Variants in HOOK1 observed in about 807,000 individuals in gnomAD.
The protein encoded by HOOK1 is protein Hook homolog 1.
Under a neutral mutation model 112.8 loss-of-function variants are expected in HOOK1, and 60 were observed. The ratio of observed to expected loss-of-function variants is 0.53; its 90% confidence interval spans 0.43 to 0.66. The LOEUF is 0.66. Ranked by LOEUF, HOOK1 falls within the 30% of genes least tolerant of loss-of-function variation. HOOK1 has a pLI of 0.00. For synonymous variants in HOOK1, 294 were observed against 283.8 expected (o/e 1.04, Z -0.36); for missense variants, 770 against 856.0 (o/e 0.90, Z 1.25).
At chr1:59,846,995 T>C in intron 9 of HOOK1, 50 bp from the exon 10 acceptor site, 1 of 1,463,656 alleles carries the variant, frequency 6.8e-7, no homozygotes, top group Non-Finnish European at 9.3e-7. Context: ...AATTATATAA[T>C]TATAACAAAT....
chr1:59,870,018 G>A (rs1644030795), intron 20 of HOOK1, among the ~76,000 whole-genome samples: 1 of 152,100 alleles, frequency 6.6e-6, no homozygotes, highest in Admixed American at 6.6e-5. Context: ...AGAGGCCAGG[G>A]TTGCAGCATT....
chr1:59,846,574 C>T (rs2098404018), intron 9 of HOOK1, among the ~76,000 whole-genome samples: 1 of 85,380 alleles, frequency 1.2e-5, no homozygotes, highest in Non-Finnish European at 2.4e-5. Flanking sequence ...TTCCTTCCTT[C>T]CTTCCTTCCT....
chr1:59,864,552 A>T (rs2102070501), intron 16 of HOOK1, 80 bp from the exon 17 acceptor site: 1 of 829,158 alleles, frequency 1.2e-6, no homozygotes, highest in East Asian at 2.5e-5. Context: ...CTTCAAAAGG[A>T]GGTAAAGAGA....
chr1:59,828,703 TTCTC>T (rs1401454319), intron 2 of HOOK1, 73 bp from the exon 3 acceptor site: 10 of 1,215,124 alleles, frequency 8.2e-6, no homozygotes, highest in Non-Finnish European at 1.1e-5. Flanking sequence ...TAAAGTAACT[TTCTC>T]TGTTGGCTCT....
At position 59,864,652 on chromosome 1, in the gene HOOK1, G is replaced by A; in HGVS notation, c.1647G>A (p.Lys549=). 6.5e-7 allele frequency: 1 copy of A among 1,546,780 alleles called. No individual in the cohort carries two copies. Among genetic ancestry groups the A allele is most frequent in the Non-Finnish European group, 8.9e-7 (1 of 1,124,856 alleles). ...EGESSSKLKQ[K]LEAHMEKLTE... ...TATAGTCCAGCAAATTAAAGCAGAA[G>A]TTGGAAGCTCATATGTAAGTAAAAC... The change falls in exon 17 of 22, where the codon AAG becomes AAA. Residue 549 remains lysine, a synonymous_variant. Coordinates refer to ENST00000371208, the MANE Select transcript of HOOK1 (RefSeq NM_015888.6).
intron 20 of HOOK1, 88 bp downstream of exon 20, chr1:59,868,439 GT>G: frequency 1.2e-6 from 1 of 827,592 alleles, no homozygotes; most frequent in Non-Finnish European, 2.0e-6. Flanking sequence ...TAATGATCAA[GT>G]TTTACAAGAA....
At chr1:59,863,942 A>G (rs4477313) in intron 16 of HOOK1, 82,237 of 447,950 alleles carry the variant, frequency 0.18, 9,359 homozygotes, top group African/African-American at 0.44. Context: ...GGTATTTTGC[A>G]GGGAGCACAT....
intron 1 of HOOK1, among the ~76,000 whole-genome samples, chr1:59,819,219 G>A (rs917332578): frequency 7.5e-6 from 1 of 133,154 alleles, no homozygotes; most frequent in Non-Finnish European, 1.5e-5. Flanking sequence ...GCATGATCTC[G>A]GCTCACTGCA....
rs1456596698 is a variant in HOOK1, at chr1:59,876,034, T to C, written c.*3069T>C. The C allele has an allele frequency of 6.5e-6, 1 of 152,686 alleles. No individual in the cohort carries two copies. Among genetic ancestry groups the C allele is most frequent in the East Asian group, 1.9e-4 (1 of 5,198 alleles). 9.5% of individuals were successfully genotyped at this position (152,686 alleles called of 1,614,324 possible). On this transcript the variant is annotated 3_prime_UTR_variant, in exon 22 of 22. Transcript: ENST00000371208. The stretch of plus-strand genomic sequence containing the variant: ...CTGTGTTAAGTTCACTAAATGTGTA[T>C]TTAATGAGAAACATTCCTATGTAAA...
intron 12 of HOOK1, among the ~76,000 whole-genome samples, chr1:59,853,516 T>G (rs1379394987): frequency 6.6e-6 from 1 of 152,172 alleles, no homozygotes; most frequent in Non-Finnish European, 1.5e-5. Flanking sequence ...ACCTAGCATT[T>G]ACTTGGATCA....
At chr1:59,865,046 C>A in intron 17 of HOOK1, 117 bp from the exon 18 acceptor site, 2 of 683,326 alleles carry the variant, frequency 2.9e-6, no homozygotes, top group South Asian at 1.8e-5. Context: ...CCCCTGCAGT[C>A]ATGCAGATAG....
intron 17 of HOOK1, 88 bp from the exon 18 acceptor site, chr1:59,865,075 G>C (rs1032063794): frequency 1.3e-6 from 1 of 782,806 alleles, no homozygotes. Context: ...TTTCACAGAT[G>C]AGGAACCAAG....
At chr1:59,821,343 T>C (rs1258864379) in intron 1 of HOOK1, among the ~76,000 whole-genome samples, 1 of 152,238 alleles carries the variant, frequency 6.6e-6, no homozygotes, top group East Asian at 1.9e-4. Context: ...AGATAGGGCT[T>C]GATTCTTCAA....
chr1:59,834,498 T>A (rs2098396184), intron 5 of HOOK1, among the ~76,000 whole-genome samples: 1 of 152,188 alleles, frequency 6.6e-6, no homozygotes, highest in Admixed American at 6.5e-5. Context: ...AAGCCAGTAC[T>A]TCTCTGTAGG....
chr1:59,864,533 C>T, intron 16 of HOOK1, 99 bp from the exon 17 acceptor site: 2 of 717,916 alleles, frequency 2.8e-6, no homozygotes, highest in East Asian at 2.7e-5. Flanking sequence ...ATAATTTTGC[C>T]TGGTACACCT....
intron 12 of HOOK1, among the ~76,000 whole-genome samples, chr1:59,858,017 G>C (rs929091619): frequency 6.6e-6 from 1 of 152,178 alleles, no homozygotes; most frequent in Non-Finnish European, 1.5e-5. Flanking sequence ...GAACACCTTT[G>C]CAAGGGTTTA....
intron 8 of HOOK1, among the ~76,000 whole-genome samples, chr1:59,840,681 G>A (rs1220540445): frequency 6.6e-6 from 1 of 152,042 alleles, no homozygotes; most frequent in Non-Finnish European, 1.5e-5. Flanking sequence ...AAATGGGAAA[G>A]TTAAAGTTTC....
At chr1:59,824,358 C>T (rs957863987) in intron 2 of HOOK1, among the ~76,000 whole-genome samples, 3 of 152,118 alleles carry the variant, frequency 2.0e-5, no homozygotes, top group Admixed American at 2.0e-4. Context: ...CAGGCGCATG[C>T]CACCATGCCT....
chr1:59,847,480 TC>T (rs1320917099), intron 10 of HOOK1, among the ~76,000 whole-genome samples: 1 of 151,600 alleles, frequency 6.6e-6, no homozygotes, highest in Non-Finnish European at 1.5e-5. Flanking sequence ...TAACTTGACC[TC>T]CCTGTACCTG....
Sources: allele counts gnomAD v4.1 joint callset (sites outside exome capture counted in the v4.1 genomes callset), GRCh38; gene constraint gnomAD v4.1.1; transcripts MANE v1.5; gene names NCBI Gene and HGNC (gene_info 2026-07-23, HGNC 2026-07-21).